EPS8L3: variants seen among roughly 807,000 people sequenced by gnomAD.
EPS8L3 encodes epidermal growth factor receptor kinase substrate 8-like protein 3.
In EPS8L3, 80 loss-of-function variants were observed where a neutral mutation model predicts 88.5. The ratio of observed to expected loss-of-function variants is 0.90; its 90% CI spans 0.75 to 1.09. The LOEUF is 1.09. Among genes scored for constraint, EPS8L3 ranks in the 50% least tolerant of loss-of-function variants. The probability of loss-of-function intolerance (pLI) is 0.00; values close to 1 mark genes in which losing one functional copy is unlikely to be tolerated. For synonymous variants in EPS8L3, 286 were observed against 291.0 expected, an observed-to-expected ratio of 0.98 and a Z score of 0.18; for missense variants, 721 against 735.2, an observed-to-expected ratio of 0.98 and a Z score of 0.22.
intron 13 of EPS8L3, 95 bp downstream of exon 13, chr1:109,753,022 T>G (rs1570679876): frequency 1.8e-6 from 2 of 1,132,066 alleles, no homozygotes; most frequent in Admixed American, 2.0e-5. Context: ...CAGTGTTAGG[T>G]CACACTAGTT....
intron 12 of EPS8L3, among the ~76,000 whole-genome samples, chr1:109,754,766 C>G (rs542940011): frequency 2.3e-4 from 35 of 152,168 alleles, no homozygotes; most frequent in Non-Finnish European, 4.6e-4. Flanking sequence ...CTCTGTTTTC[C>G]TCTCCTGCTA....
At chr1:109,757,761 G>A (rs779100789) in intron 10 of EPS8L3, 41 bp downstream of exon 10, 5 of 1,588,486 alleles carry the variant, frequency 3.1e-6, no homozygotes, top group East Asian at 2.2e-5. Flanking sequence ...GGGAGGAAGG[G>A]GAAGAGGAGA....
chr1:109,761,473 CG>C, intron 3 of EPS8L3, 21 bp downstream of exon 3: 1 of 1,599,996 alleles, frequency 6.3e-7, no homozygotes, highest in Non-Finnish European at 8.5e-7. Context: ...GGACACTGCC[CG>C]GGGGCTGCAG....
In EPS8L3 at chr1:109,757,340, C is replaced by G. The variant is rs143608256; in HGVS notation, c.969+141G>C. 71 of 1,118,514 alleles carry G rather than the reference C, an allele frequency of 6.3e-5. No individual in the cohort carries two copies. The African/African-American group carries it at 1.1e-3, about 17-fold the overall frequency. The allele number at this position is 1,118,514 out of a possible 1,614,324, so 69.3% of individuals were successfully genotyped here. ...CTTCCTGTCTCCCTTAGAGCCTTGG[C>G]GTCCTTGGCTCTGACCCCAGCTCAT... On this transcript the variant is annotated intron_variant, in intron 11 of 18. Transcript: ENST00000361965.
chr1:109,752,665 C>G, intron 14 of EPS8L3, 21 bp downstream of exon 14: 1 of 1,549,948 alleles, frequency 6.5e-7, no homozygotes, highest in South Asian at 1.2e-5. Context: ...CCACGCAGTC[C>G]CTATTAAGCT....
Position 109,761,774 on chromosome 1 carries a change from C to T in EPS8L3, c.-24-1G>A. The stretch of plus-strand genomic sequence containing the variant: ...TGTTGACGCTGCTGAGGACGGCTCC[C>T]TAGAACCCAAAGTGAACCAGAGGCA... On this transcript the variant is annotated splice_acceptor_variant, in intron 1 of 18. Coordinates refer to ENST00000361965, the MANE Select transcript of EPS8L3 (RefSeq NM_133181.4). LOFTEE classifies it low-confidence loss of function (5UTR_SPLICE). 1 of 1,613,904 alleles carries T rather than the reference C, an allele frequency of 6.2e-7. No individual in the cohort carries two copies. The highest frequency in any genetic ancestry group is 8.5e-7 in the Non-Finnish European group (1 of 1,179,934).
In EPS8L3 at chr1:109,759,603, G is replaced by T. The variant is rs1041366103; in HGVS notation, c.255+75C>A. Reference sequence around the variant, plus strand: ...AGTGGCTGCCCTTTGGGGCATGGAGGGTGGAGTTCAAGAGCTAGTGCTTGC... The same window carrying T: ...AGTGGCTGCCCTTTGGGGCATGGAGTGTGGAGTTCAAGAGCTAGTGCTTGC... On this transcript the variant is annotated intron_variant, in intron 4 of 18. Coordinates refer to ENST00000361965, the MANE Select transcript of EPS8L3 (RefSeq NM_133181.4). This position sits in a 1 kb window ranked among gnomAD's most constrained non-coding sequence, Gnocchi z 4.2. 1.3e-6 allele frequency: 2 copies of T among 1,549,172 alleles called. No individual in the cohort carries two copies. The highest frequency in any genetic ancestry group is 1.7e-6 in the Non-Finnish European group (2 of 1,146,160).
chr1:109,751,159 G>A (rs142748432), intron 17 of EPS8L3, 119 bp downstream of exon 17: 588 of 836,954 alleles, frequency 7.0e-4, no homozygotes, highest in Non-Finnish European at 9.6e-4. Context: ...CAGCAGAGAC[G>A]GTGCTGGATC....
rs868605570 is a variant in EPS8L3 at position 109,751,691 on chromosome 1, G to A, written c.1526C>T (p.Pro509Leu). ...CTGGCCCTGGGTCCCAGGGGTCCCC[G>A]GCTGTAGGGGCTCCAGGATGTTGCT... ...IPSNILEPLQPGTPGTQGQSP... is the reference protein window; with the variant it reads ...IPSNILEPLQLGTPGTQGQSP... Residue 509 changes from proline (P) to leucine (L), a missense_variant, in exon 16 of 19, where the codon CCG (proline) becomes CTG (leucine). Transcript: ENST00000361965. The A allele has an allele frequency of 8.7e-6, 14 of 1,613,670 alleles. No individual in the cohort carries two copies. The highest frequency in any genetic ancestry group is 1.1e-5 in the Non-Finnish European group (13 of 1,179,962).
chr1:109,750,332 A>T lies in EPS8L3; in HGVS notation c.*59T>A. 6.2e-7 allele frequency: 1 copy of T among 1,606,244 alleles called. No homozygotes were observed. The highest frequency in any genetic ancestry group is 2.2e-5 in the East Asian group (1 of 44,800). ...AGGAATTCTCGGGGCTCTAATGGGTATCAGATCTGCCATCTTGCATCAGCG... is the reference window on the plus strand; with the variant it reads ...AGGAATTCTCGGGGCTCTAATGGGTTTCAGATCTGCCATCTTGCATCAGCG... On this transcript the variant is annotated 3_prime_UTR_variant, in exon 19 of 19. Coordinates refer to ENST00000361965, the MANE Select transcript of EPS8L3 (RefSeq NM_133181.4).
Position 109,759,957 on chromosome 1 carries a change from G to T in EPS8L3, c.97-121C>A. 9.1e-7 allele frequency: 1 copy of T among 1,093,346 alleles called. No homozygotes were observed. The highest frequency in any genetic ancestry group is 1.3e-6 in the Non-Finnish European group (1 of 774,002). The allele number at this position is 1,093,346 out of a possible 1,614,324, so 67.7% of individuals were successfully genotyped here. ...TGTCCTCGGCCCCCTTGAGGTAGGA[G>T]GTTCCAGGCTTCAGATAAAGCAACT... On this transcript the variant is annotated intron_variant, in intron 3 of 18. Transcript: ENST00000361965. This position sits in a 1 kb window ranked among gnomAD's most constrained non-coding sequence, Gnocchi z 4.2.
chr1:109,755,485 A>C (rs11591171), intron 12 of EPS8L3, among the ~76,000 whole-genome samples: 10,871 of 152,292 alleles, frequency 0.071, 427 homozygotes, highest in Admixed American at 0.099. Flanking sequence ...TGGACACAAA[A>C]TTTTGTAAAT....
rs370086233 is a variant in EPS8L3, at chr1:109,760,337, A to G, written c.97-501T>C. Among the ~76,000 whole-genome samples the G allele has an allele frequency of 5.3e-5, 8 of 152,074 alleles. No homozygotes were observed. The East Asian group carries it at 7.7e-4, about 15-fold the overall frequency. On this transcript the variant is annotated intron_variant, in intron 3 of 18. Transcript: ENST00000361965. ...TCCATCGTGATCTCAGTCTCCGCTC[A>G]AGTCCTTGCCTACTGCTAGGCTGAC...
At chr1:109,760,718 C>T (rs1318930523) in intron 3 of EPS8L3, among the ~76,000 whole-genome samples, 1 of 150,568 alleles carries the variant, frequency 6.6e-6, no homozygotes, top group Non-Finnish European at 1.5e-5. Flanking sequence ...CCTGTGGGAC[C>T]TGCTGCCCTG....
intron 12 of EPS8L3, among the ~76,000 whole-genome samples, chr1:109,753,446 C>T (rs975185823): frequency 1.3e-5 from 2 of 152,218 alleles, no homozygotes; most frequent in Non-Finnish European, 2.9e-5. Flanking sequence ...GGTAAAGATA[C>T]ACCACCTCCG....
At chr1:109,757,439 T>C in intron 11 of EPS8L3, 42 bp downstream of exon 11, 1 of 1,580,644 alleles carries the variant, frequency 6.3e-7, no homozygotes, top group Non-Finnish European at 8.7e-7. Flanking sequence ...CTTCTTGACT[T>C]CAGCCTGTCC....
At chr1:109,756,032 G>A (rs1650252696) in intron 12 of EPS8L3, among the ~76,000 whole-genome samples, 1 of 152,180 alleles carries the variant, frequency 6.6e-6, no homozygotes, top group Non-Finnish European at 1.5e-5. Flanking sequence ...TTCTTTCATG[G>A]AATAGAGCAA....
intron 14 of EPS8L3, 98 bp from the exon 15 acceptor site, chr1:109,752,291 C>T: frequency 8.2e-7 from 1 of 1,221,674 alleles, no homozygotes; most frequent in Non-Finnish European, 1.2e-6. Flanking sequence ...GGCCTGCAGT[C>T]TGATGGTGAC....
chr1:109,752,574 C>T, intron 14 of EPS8L3, 112 bp downstream of exon 14: 1 of 1,030,054 alleles, frequency 9.7e-7, no homozygotes, highest in Non-Finnish European at 1.5e-6. Flanking sequence ...GTTTTTCTGG[C>T]TAAAAGAGAC....
Sources: gnomAD v4.1 joint callset for allele counts (sites outside exome capture counted in the v4.1 genomes callset) on GRCh38, gnomAD v4.1.1 for gene constraint, Gnocchi (gnomAD v3.1) non-coding constraint, MANE v1.5 for transcripts, NCBI Gene and HGNC (gene_info 2026-07-23, HGNC 2026-07-21) for gene names.